The following PCDH11X variants were observed in gnomAD, a reference collection of about 807,000 sequenced individuals.
The protein encoded by PCDH11X is protocadherin-11 X-linked.
In PCDH11X, 18 loss-of-function variants were observed where a neutral mutation model predicts 53.3. The observed-to-expected ratio is 0.34, with a 90% CI of 0.23 to 0.50. The LOEUF is 0.50. Ranked by LOEUF, PCDH11X falls within the 20% of genes least tolerant of loss-of-function variation. PCDH11X has a pLI of 0.98. For missense variants in PCDH11X, 570 were observed against 1,032.4 expected (o/e 0.55, Z 6.14); for synonymous variants, 279 against 393.3 (o/e 0.71, Z 3.44).
At chrX:92,207,532 G>A (rs2066497083) in intron 7 of PCDH11X, among the ~76,000 whole-genome samples, 1 of 111,359 alleles carries the variant, frequency 9.0e-6, no homozygotes, top group Non-Finnish European at 1.9e-5. Context: ...TGCCCTGCTT[G>A]TAAAAAAATT....
intron 4 of PCDH11X, among the ~76,000 whole-genome samples, chrX:91,829,443 C>CA (rs60373055): frequency 6.9e-3 from 403 of 58,620 alleles, no homozygotes; most frequent in African/African-American, 0.023. Context: ...CACACACACA[C>CA]CCACAATTAT....
chrX:92,452,463 G>GTGTGTATATATATATATATA (rs1415846958), intron 9 of PCDH11X, among the ~76,000 whole-genome samples: 1 of 44,715 alleles, frequency 2.2e-5, no homozygotes, highest in African/African-American at 9.4e-5. Flanking sequence ...GTGTGTGTGT[G>GTGTGTATATATATATATATA]TATATATATA....
At chrX:92,000,327 C>T (rs748413452) in intron 6 of PCDH11X, among the ~76,000 whole-genome samples, 3 of 111,008 alleles carry the variant, frequency 2.7e-5, no homozygotes, top group Admixed American at 9.6e-5. Flanking sequence ...TCTGGTTAAC[C>T]GAAGTATTAC....
chrX:92,127,640 C>T (rs1241743480), intron 6 of PCDH11X, among the ~76,000 whole-genome samples: 1 of 108,177 alleles, frequency 9.2e-6, no homozygotes, highest in Non-Finnish European at 1.9e-5. Context: ...CCTGCCTCAG[C>T]CTCCCAAGTA....
chrX:92,510,293 G>A (rs1451452750), intron 10 of PCDH11X, among the ~76,000 whole-genome samples: 1 of 92,854 alleles, frequency 1.1e-5, no homozygotes, highest in Admixed American at 1.3e-4. Flanking sequence ...AACTAATGAA[G>A]GCTGTTTTCC....
At chrX:91,971,499 G>A (rs1458104750) in intron 6 of PCDH11X, among the ~76,000 whole-genome samples, 1 of 109,907 alleles carries the variant, frequency 9.1e-6, no homozygotes, top group Non-Finnish European at 1.9e-5. Context: ...TTCACTGAGG[G>A]TAAGGTGGCT....
intron 1 of PCDH11X, among the ~76,000 whole-genome samples, chrX:91,781,782 T>C (rs1036829877): frequency 8.9e-6 from 1 of 112,132 alleles, no homozygotes; most frequent in African/African-American, 3.2e-5. Flanking sequence ...TGGTTCATCA[T>C]AGAGAGAGCG....
At chrX:91,853,294 T>C (rs769799569) in intron 5 of PCDH11X, among the ~76,000 whole-genome samples, 16 of 111,213 alleles carry the variant, frequency 1.4e-4, no homozygotes, top group African/African-American at 4.3e-4. Context: ...TCAATATTAA[T>C]TTTGTTTTAT....
intron 6 of PCDH11X, among the ~76,000 whole-genome samples, chrX:91,961,448 G>T (rs1232313020): frequency 9.0e-6 from 1 of 111,380 alleles, no homozygotes; most frequent in Non-Finnish European, 1.9e-5. Context: ...GGAAATCCTA[G>T]CCAGGGCAAT....
intron 6 of PCDH11X, among the ~76,000 whole-genome samples, chrX:91,943,383 ACCTT>A (rs779531309): frequency 9.0e-6 from 1 of 110,576 alleles, no homozygotes; most frequent in African/African-American, 3.3e-5. Flanking sequence ...AAATCTCTGT[ACCTT>A]CCTCTCAATT....
At chrX:92,172,877 T>C (rs1300524869) in intron 6 of PCDH11X, among the ~76,000 whole-genome samples, 1 of 111,904 alleles carries the variant, frequency 8.9e-6, no homozygotes, top group Non-Finnish European at 1.9e-5. Flanking sequence ...ATTATTCCTA[T>C]AGTACTTAAG....
chrX:91,898,222 A>G (rs1940823826), intron 6 of PCDH11X, among the ~76,000 whole-genome samples: 1 of 108,907 alleles, frequency 9.2e-6, no homozygotes, highest in African/African-American at 3.3e-5. Flanking sequence ...TATCATTGGT[A>G]TCATACTCAT....
In PCDH11X at chrX:92,263,012, C is replaced by CAA. The variant is rs5903000; in HGVS notation, c.3115-89_3115-88dup. 9.1e-5 allele frequency: 79 copies of CAA among 871,951 alleles called. No homozygotes were observed. In the African/African-American group the frequency reaches 1.1e-3, roughly 12 times the overall value. The allele number at this position is 871,951 out of a possible 1,213,427, so 71.9% of individuals were successfully genotyped here. A position where few individuals can be genotyped will look rare whatever the true frequency, so the allele number is the denominator to read the frequency against. On this transcript the variant is annotated intron_variant, in intron 7 of 10. Coordinates refer to ENST00000682573, the MANE Select transcript of PCDH11X (RefSeq NM_032968.5). ...TGGGAATGTTGACATGCTTTTTTTT[C>CAA]AAAAAAAAAAAAAATGTATTTGCAG...
At chrX:91,862,299 A>G (rs1189711130) in intron 5 of PCDH11X, among the ~76,000 whole-genome samples, 1 of 105,347 alleles carries the variant, frequency 9.5e-6, no homozygotes, top group African/African-American at 3.5e-5. Flanking sequence ...CCTGTTCAGG[A>G]TTTGAATTTC....
chrX:92,362,260 T>C (rs761567190), intron 8 of PCDH11X, among the ~76,000 whole-genome samples: 11 of 104,647 alleles, frequency 1.1e-4, no homozygotes, highest in African/African-American at 3.8e-4. Context: ...ACCAACAGTT[T>C]ACAGGATTTC....
chrX:92,048,079 C>G (rs1437531764), intron 6 of PCDH11X, among the ~76,000 whole-genome samples: 2 of 110,553 alleles, frequency 1.8e-5, no homozygotes, highest in Admixed American at 9.7e-5. Context: ...AGTAATATAC[C>G]ATGTTTGTGG....
At chrX:92,018,879 G>A (rs1201913433) in intron 6 of PCDH11X, among the ~76,000 whole-genome samples, 4 of 112,394 alleles carry the variant, frequency 3.6e-5, no homozygotes, top group Non-Finnish European at 7.5e-5. Context: ...CTATAAATCC[G>A]GAGTCAGTAA....
rs1052416486 is a variant in PCDH11X, at chrX:92,534,404, G to A, written c.3367+66082G>A. Among the ~76,000 whole-genome samples the A allele has an allele frequency of 1.6e-4, 18 of 111,603 alleles. No homozygotes were observed. In the Admixed American group the frequency reaches 1.6e-3, roughly 10 times the overall value. On this transcript the variant is annotated intron_variant, in intron 10 of 10. Coordinates refer to ENST00000682573, the MANE Select transcript of PCDH11X (RefSeq NM_032968.5). ...AAGCCTCCAAGACATATGGGACTAT[G>A]TGAAAAGACCAAATCTACGTTTGAT... is the stretch of plus-strand genomic sequence containing the variant.
At chrX:92,356,349 T>C (rs2070205658) in intron 8 of PCDH11X, among the ~76,000 whole-genome samples, 2 of 105,507 alleles carry the variant, frequency 1.9e-5, no homozygotes, top group Admixed American at 2.1e-4. Context: ...AATTTAGCTC[T>C]AATATGCCTG....
Sources: gnomAD v4.1 joint callset for allele counts (sites outside exome capture counted in the v4.1 genomes callset) on GRCh38, gnomAD v4.1.1 for gene constraint, MANE v1.5 for transcripts, NCBI Gene and HGNC (gene_info 2026-07-23, HGNC 2026-07-21) for gene names.